The following ENDOD1 variants were observed in gnomAD, a reference collection of about 807,000 sequenced individuals.
ENDOD1 encodes endonuclease domain containing 1.
In ENDOD1, 9 loss-of-function variants were observed where a neutral mutation model predicts 6.5. The ratio of observed to expected loss-of-function variants is 1.39; its 90% CI spans 0.84 to 2.43. The LOEUF (loss-of-function observed/expected upper bound fraction) is 2.43. ENDOD1 is among the 30% of genes most tolerant of loss of function. ENDOD1 has a pLI of 0.00. For missense variants in ENDOD1, 648 were observed against 635.5 expected (o/e 1.02, Z -0.21); for synonymous variants, 255 against 255.2 (o/e 1.00, Z 0.01).
Position 95,090,078 on chromosome 11 carries a change from TC to T in ENDOD1, c.154del (p.His52ThrfsTer2), listed in dbSNP as rs782741697. The T allele has an allele frequency of 3.9e-5, 62 of 1,601,994 alleles. No individual in the cohort carries two copies. Among genetic ancestry groups the T allele is most frequent in the Non-Finnish European group, 5.0e-5 (59 of 1,175,636 alleles). The part of the protein sequence containing the change: ...GTPPAGLAAD[S>X]HVKICQRAEG... ...CCCGCCTGCGGGGCTGGCGGCCGATTCCCACGTGAAGATCTGTCAGCGCGCG... is the reference window on the plus strand; with the variant it reads ...CCCGCCTGCGGGGCTGGCGGCCGATTCCACGTGAAGATCTGTCAGCGCGCG... On this transcript the variant is annotated frameshift_variant, in exon 1 of 2. Transcript: ENST00000278505. LOFTEE classifies it high-confidence loss of function.
At chr11:95,105,067 G>C (rs1859076691) in intron 1 of ENDOD1, among the ~76,000 whole-genome samples, 1 of 152,192 alleles carries the variant, frequency 6.6e-6, no homozygotes, top group South Asian at 2.1e-4. Flanking sequence ...AGAAATACTT[G>C]GTTGTGGATA....
At chr11:95,122,857 G>A (rs1033178165) in intron 1 of ENDOD1, among the ~76,000 whole-genome samples, 1 of 152,160 alleles carries the variant, frequency 6.6e-6, no homozygotes, top group Non-Finnish European at 1.5e-5. Context: ...TGAGCAAATG[G>A]GCATTTTCCT....
intron 1 of ENDOD1, among the ~76,000 whole-genome samples, chr11:95,093,433 A>T (rs1369706043): frequency 6.6e-6 from 1 of 152,016 alleles, no homozygotes. Flanking sequence ...CTGAGGTGTC[A>T]CCTCCTCCAG....
intron 1 of ENDOD1, among the ~76,000 whole-genome samples, chr11:95,124,052 A>G (rs1486674215): frequency 6.6e-6 from 1 of 152,248 alleles, no homozygotes; most frequent in South Asian, 2.1e-4. Flanking sequence ...TAGAAGCAAC[A>G]AAATAAACTG....
intron 1 of ENDOD1, among the ~76,000 whole-genome samples, chr11:95,110,788 G>A (rs181029934): frequency 8.5e-4 from 130 of 152,188 alleles, no homozygotes; most frequent in African/African-American, 3.0e-3. Flanking sequence ...TTGTCCCATG[G>A]TGTAGTCCCC....
At chr11:95,120,113 G>A (rs1187274345) in intron 1 of ENDOD1, among the ~76,000 whole-genome samples, 1 of 152,164 alleles carries the variant, frequency 6.6e-6, no homozygotes, top group Non-Finnish European at 1.5e-5. Flanking sequence ...CCATCCAAGA[G>A]CCAAGTCCTA....
intron 1 of ENDOD1, among the ~76,000 whole-genome samples, chr11:95,112,487 G>A (rs1235265173): frequency 1.3e-5 from 2 of 152,210 alleles, no homozygotes; most frequent in Admixed American, 6.5e-5. Context: ...TATGTGAAGG[G>A]TAAATGGGAT....
At chr11:95,113,942 A>G (rs1555112208) in intron 1 of ENDOD1, among the ~76,000 whole-genome samples, 1 of 152,090 alleles carries the variant, frequency 6.6e-6, no homozygotes, top group Non-Finnish European at 1.5e-5. Flanking sequence ...GTTATTGCCT[A>G]TCTTTTGGAT....
intron 1 of ENDOD1, among the ~76,000 whole-genome samples, chr11:95,116,953 A>T (rs537786191): frequency 6.6e-6 from 1 of 152,294 alleles, no homozygotes; most frequent in South Asian, 2.1e-4. Context: ...CAAGAATGGG[A>T]TTAAATATCT....
intron 1 of ENDOD1, among the ~76,000 whole-genome samples, chr11:95,121,401 C>A (rs918077396): frequency 6.6e-6 from 1 of 152,110 alleles, no homozygotes; most frequent in African/African-American, 2.4e-5. Flanking sequence ...ATTAATAATA[C>A]ATGTGGAGCT....
Position 95,089,985 on chromosome 11 carries a change from G to T in ENDOD1, c.58G>T (p.Glu20Ter), listed in dbSNP as rs1555109625. ...CCTCTTCGCCCTGGCTGGGCTGCTG[G>T]AAGGCCGGCTCGTGGGCGAGGAGGA... ...GSLFALAGLL[E>*]GRLVGEEEAG... Residue 20 changes from glutamate to a stop codon, truncating the protein, a stop_gained, in exon 1 of 2, where the codon GAA becomes TAA. Transcript: ENST00000278505. LOFTEE classifies it high-confidence loss of function. The T allele has an allele frequency of 1.4e-5, 21 of 1,553,184 alleles. No individual in the cohort carries two copies. The highest frequency in any genetic ancestry group is 1.7e-5 in the Non-Finnish European group (20 of 1,150,608).
chr11:95,122,162 G>T (rs1300999694), intron 1 of ENDOD1, among the ~76,000 whole-genome samples: 2 of 151,912 alleles, frequency 1.3e-5, no homozygotes, highest in African/African-American at 2.4e-5. Flanking sequence ...AAGTGACAAT[G>T]TATCAAAGAA....
intron 1 of ENDOD1, among the ~76,000 whole-genome samples, chr11:95,097,250 A>G (rs1555110425): frequency 6.6e-6 from 1 of 152,194 alleles, no homozygotes; most frequent in Non-Finnish European, 1.5e-5. Flanking sequence ...TGAAGTTTAA[A>G]ACAAGGTTTC....
chr11:95,116,322 G>A (rs981605590), intron 1 of ENDOD1, among the ~76,000 whole-genome samples: 1 of 152,204 alleles, frequency 6.6e-6, no homozygotes. Flanking sequence ...TTGAATTTCT[G>A]TGGTACAGTT....
intron 1 of ENDOD1, among the ~76,000 whole-genome samples, chr11:95,106,232 C>A (rs1555111385): frequency 6.6e-6 from 1 of 152,170 alleles, no homozygotes; most frequent in Non-Finnish European, 1.5e-5. Flanking sequence ...GATGGACACC[C>A]AGCACAGGAG....
At chr11:95,116,797 T>C (rs1012888881) in intron 1 of ENDOD1, among the ~76,000 whole-genome samples, 1 of 152,260 alleles carries the variant, frequency 6.6e-6, no homozygotes, top group Admixed American at 6.5e-5. Flanking sequence ...ATTTGTATAG[T>C]TTCCAAAATT....
chr11:95,110,563 A>T (rs1859138048), intron 1 of ENDOD1, among the ~76,000 whole-genome samples: 1 of 146,408 alleles, frequency 6.8e-6, no homozygotes. Context: ...TTTTTTGCTG[A>T]CTTTCAAGTC....
chr11:95,116,836 T>C (rs547915688), intron 1 of ENDOD1, among the ~76,000 whole-genome samples: 9 of 152,352 alleles, frequency 5.9e-5, no homozygotes, highest in African/African-American at 2.2e-4. Context: ...TGTTTCTTTG[T>C]GTTCAGAAAA....
chr11:95,100,640 C>T (rs987823603), intron 1 of ENDOD1, among the ~76,000 whole-genome samples: 16 of 151,992 alleles, frequency 1.1e-4, no homozygotes, highest in African/African-American at 3.1e-4. Context: ...TGTGCCACCA[C>T]GTCTGGCTAA....
Sources: gnomAD v4.1 joint callset for allele counts (sites outside exome capture counted in the v4.1 genomes callset) on GRCh38, gnomAD v4.1.1 for gene constraint, MANE v1.5 for transcripts, NCBI Gene and HGNC (gene_info 2026-07-23, HGNC 2026-07-21) for gene names.